The following UGT1A8 variants were observed in gnomAD, a reference collection of about 807,000 sequenced individuals.
UGT1A8 encodes UDP glucuronosyltransferase family 1 member A8, also known as UDP-glucuronosyltransferase 1A8.
A neutral mutation model predicts 45.3 loss-of-function variants in UGT1A8; 39 were observed. That is an observed-to-expected ratio of 0.86 (90% confidence interval 0.67 to 1.12). The LOEUF is 1.12. Ranked by LOEUF, UGT1A8 falls within the 50% of genes most tolerant of loss-of-function variation. UGT1A8 has a pLI of 0.00. For missense variants in UGT1A8, 719 were observed against 664.9 expected, an observed-to-expected ratio of 1.08 and a Z score of -0.90; for synonymous variants, 275 against 249.2, an observed-to-expected ratio of 1.10 and a Z score of -0.97.
chr2:233,695,419 C>T (rs1453689683), intron 1 of UGT1A8, among the ~76,000 whole-genome samples: 2 of 138,724 alleles, frequency 1.4e-5, no homozygotes, highest in South Asian at 2.4e-4. Context: ...CTACCGCGCC[C>T]GGCCTTCTTC....
chr2:233,630,891 T>C (rs1274376601), intron 1 of UGT1A8, among the ~76,000 whole-genome samples: 2 of 151,580 alleles, frequency 1.3e-5, no homozygotes, highest in East Asian at 3.9e-4. Flanking sequence ...AACATGCAGG[T>C]TTGTTACATA....
intron 1 of UGT1A8, among the ~76,000 whole-genome samples, chr2:233,736,744 G>A (rs1355723073): frequency 6.6e-6 from 1 of 152,214 alleles, no homozygotes; most frequent in Non-Finnish European, 1.5e-5. Context: ...GTTCCTTTCT[G>A]TTTGTTAGTT....
intron 1 of UGT1A8, among the ~76,000 whole-genome samples, chr2:233,684,471 G>T (rs4261716): frequency 0.39 from 59,169 of 151,958 alleles, 11,710 homozygotes; most frequent in South Asian, 0.45. Context: ...TGCTGAGTTT[G>T]TTGTGGCTCA....
chr2:233,712,907 A>C, intron 1 of UGT1A8: 1 of 1,610,566 alleles, frequency 6.2e-7, no homozygotes, highest in Non-Finnish European at 8.5e-7. Flanking sequence ...TAGGTGTCTC[A>C]GTGACAAGGT....
intron 1 of UGT1A8, chr2:233,719,600 C>T (rs1250192329): frequency 1.2e-6 from 2 of 1,614,004 alleles, no homozygotes; most frequent in South Asian, 2.2e-5. Context: ...TCCGAGGGGA[C>T]TTTGTGATGG....
Position 233,687,479 on chromosome 2 carries a change from AT to A in UGT1A8, c.855+68922del, listed in dbSNP as rs998532501. On this transcript the variant is annotated intron_variant, in intron 1 of 4. Coordinates refer to ENST00000373450, the MANE Select transcript of UGT1A8 (RefSeq NM_019076.5). The stretch of plus-strand genomic sequence containing the variant: ...GGAAGCTGGCATTATTGGCAGACCT[AT>A]TTTTCAGATGATGAAACTGAGGCAC... Among the ~76,000 whole-genome samples, 107 of 150,260 alleles carry A rather than the reference AT, an allele frequency of 7.1e-4. 1 individual carries two copies. Among genetic ancestry groups the A allele is most frequent in the African/African-American group, 2.3e-3 (96 of 40,922 alleles).
chr2:233,751,406 G>T (rs1694719923), intron 1 of UGT1A8, among the ~76,000 whole-genome samples: 1 of 152,120 alleles, frequency 6.6e-6, no homozygotes, highest in South Asian at 2.1e-4. Context: ...TTTGGACTAT[G>T]GACTTTTGAG....
At chr2:233,688,035 C>A (rs2074875493) in intron 1 of UGT1A8, among the ~76,000 whole-genome samples, 2 of 152,198 alleles carry the variant, frequency 1.3e-5, no homozygotes, top group Admixed American at 1.3e-4. Context: ...ATATCTAATT[C>A]CAGATCATTT....
chr2:233,677,935 G>A (rs1364585524), intron 1 of UGT1A8, among the ~76,000 whole-genome samples: 1 of 152,128 alleles, frequency 6.6e-6, no homozygotes, highest in Non-Finnish European at 1.5e-5. Flanking sequence ...CCCGTCAACA[G>A]TGGCTTAGAT....
At chr2:233,715,366 T>G (rs560578565) in intron 1 of UGT1A8, among the ~76,000 whole-genome samples, 1 of 150,042 alleles carries the variant, frequency 6.7e-6, no homozygotes, top group East Asian at 2.0e-4. Flanking sequence ...AGACTTATAT[T>G]TTCTTCACAG....
intron 1 of UGT1A8, among the ~76,000 whole-genome samples, chr2:233,756,714 T>C (rs1696309930): frequency 6.6e-6 from 1 of 152,188 alleles, no homozygotes. Flanking sequence ...GGGACTTTTT[T>C]TGAGATCTGA....
In UGT1A8 at chr2:233,637,213, G is replaced by A. The variant is rs201460311; in HGVS notation, c.855+18651G>A. 1.1e-4 allele frequency: 180 copies of A among 1,613,796 alleles called. No homozygotes were observed. Among genetic ancestry groups the A allele is most frequent in the Non-Finnish European group, 1.4e-4 (171 of 1,179,862 alleles). The stretch of plus-strand genomic sequence containing the variant: ...TCTTTTTAGAAATGCCCTAGAAATA[G>A]CCTCTGAAATTCTCCAAACCCCTGT... On this transcript the variant is annotated intron_variant, in intron 1 of 4. Transcript: ENST00000373450.
chr2:233,718,938 C>T, intron 1 of UGT1A8: 1 of 1,614,130 alleles, frequency 6.2e-7, no homozygotes, highest in Non-Finnish European at 8.5e-7. Context: ...TGATGGCAGC[C>T]CCTGGCTCAG....
At chr2:233,672,591 A>C in intron 1 of UGT1A8, 1 of 1,613,922 alleles carries the variant, frequency 6.2e-7, no homozygotes, top group Non-Finnish European at 8.5e-7. Flanking sequence ...AACATTTATT[A>C]TGCCACCGTT....
intron 1 of UGT1A8, among the ~76,000 whole-genome samples, chr2:233,701,032 C>G (rs559298566): frequency 6.6e-6 from 1 of 152,118 alleles, no homozygotes; most frequent in African/African-American, 2.4e-5. Flanking sequence ...ATCCATGTCC[C>G]TACAAAGGAC....
intron 1 of UGT1A8, among the ~76,000 whole-genome samples, chr2:233,639,423 A>C (rs1443184229): frequency 6.6e-6 from 1 of 152,246 alleles, no homozygotes; most frequent in Non-Finnish European, 1.5e-5. Flanking sequence ...GTAAATTGTC[A>C]TCAAAAGAAC....
Position 233,754,563 on chromosome 2 carries a change from C to T in UGT1A8, c.856-12471C>T, listed in dbSNP as rs1133493. 9 of 399,474 alleles carry T rather than the reference C, an allele frequency of 2.3e-5. No homozygotes were observed. The East Asian group carries it at 2.9e-4, about 13-fold the overall frequency. 24.7% of individuals were successfully genotyped at this position (399,474 alleles called of 1,614,324 possible). On this transcript the variant is annotated intron_variant, in intron 1 of 4. Transcript: ENST00000373450. ...GGAATTACTTGGTGTCAATGGGGAG[C>T]AACTGCTCTATGCCGTTTATTATGA... is the stretch of plus-strand genomic sequence containing the variant.
At chr2:233,771,672 A>G (rs1345371063) in intron 4 of UGT1A8, 4 of 152,446 alleles carry the variant, frequency 2.6e-5, no homozygotes, top group Non-Finnish European at 4.4e-5. Flanking sequence ...CTCACAAAAT[A>G]TCACTAAAAA....
intron 1 of UGT1A8, chr2:233,682,805 C>G: frequency 6.3e-7 from 1 of 1,594,110 alleles, no homozygotes; most frequent in Non-Finnish European, 8.6e-7. Context: ...AAGTTATCTC[C>G]CCTTTAGCAC....
Sources: gnomAD v4.1 joint callset for allele counts (sites outside exome capture counted in the v4.1 genomes callset) on GRCh38, gnomAD v4.1.1 for gene constraint, MANE v1.5 for transcripts, NCBI Gene and HGNC (gene_info 2026-07-23, HGNC 2026-07-21) for gene names.